Variants in KCNQ1 observed in about 807,000 individuals in gnomAD.
KCNQ1 encodes the protein potassium voltage-gated channel subfamily KQT member 1.
KCNQ1 carries 49 observed loss-of-function variants against 72.4 expected under a neutral mutation model. The observed-to-expected ratio is 0.68, with a 90% CI of 0.54 to 0.86. The LOEUF is 0.86. KCNQ1 is among the 40% of genes least tolerant of loss of function. The pLI, the probability that KCNQ1 is intolerant of heterozygous loss-of-function variation, is 0.00. For missense variants in KCNQ1, 790 were observed against 945.1 expected (o/e 0.84, Z 2.15); for synonymous variants, 450 against 412.6 (o/e 1.09, Z -1.10).
intron 11 of KCNQ1, chr11:2,686,958 T>A (rs1243333911): frequency 7.5e-6 from 3 of 398,434 alleles, no homozygotes; most frequent in Non-Finnish European, 1.3e-5. Flanking sequence ...CAGCTTACCA[T>A]CCTGATGCAG....
At chr11:2,511,794 A>G (rs1589920714) in intron 1 of KCNQ1, among the ~76,000 whole-genome samples, 1 of 151,976 alleles carries the variant, frequency 6.6e-6, no homozygotes. Flanking sequence ...GGAGCTGGGA[A>G]CCTCCATGCA....
chr11:2,674,093 C>T lies in KCNQ1; in HGVS notation c.1514+12012C>T, dbSNP rs1163926428. The T allele has an allele frequency of 8.0e-5, 32 of 398,506 alleles. No homozygotes were observed. The highest frequency in any genetic ancestry group is 1.2e-4 in the African/African-American group (6 of 48,594). The allele number at this position is 398,506 out of a possible 1,614,324, so 24.7% of individuals were successfully genotyped here. ...GGGGGCTTGGGCTAGGTCTCCCTGCCGGTGGGGAGGGAGGTGTGGAAGCTG... is the reference window on the plus strand; with the variant it reads ...GGGGGCTTGGGCTAGGTCTCCCTGCTGGTGGGGAGGGAGGTGTGGAAGCTG... On this transcript the variant is annotated intron_variant, in intron 11 of 15. Coordinates refer to ENST00000155840, the MANE Select transcript of KCNQ1 (RefSeq NM_000218.3). This position sits in a 1 kb window ranked among gnomAD's most constrained non-coding sequence, Gnocchi z 5.9.
chr11:2,815,798 G>C lies in KCNQ1; in HGVS notation c.1795-31969G>C, dbSNP rs1301406624. Among the ~76,000 whole-genome samples, 1 of 152,182 alleles carries C rather than the reference G, an allele frequency of 6.6e-6. No homozygotes were observed. The highest frequency in any genetic ancestry group is 1.9e-4 in the East Asian group (1 of 5,194). On this transcript the variant is annotated intron_variant, in intron 15 of 15. Coordinates refer to ENST00000155840, the MANE Select transcript of KCNQ1 (RefSeq NM_000218.3). This position sits in a 1 kb window ranked among gnomAD's most constrained non-coding sequence, Gnocchi z 5.4. ...GGTGGAGCTGCCCCCAGCCCTTCCT[G>C]CTGGCCTCCCCAGAGCTCCAGGCTC...
At chr11:2,465,857 C>T (rs1289035385) in intron 1 of KCNQ1, among the ~76,000 whole-genome samples, 1 of 152,220 alleles carries the variant, frequency 6.6e-6, no homozygotes, top group Non-Finnish European at 1.5e-5. Context: ...CCTGGAAGGC[C>T]ATTTGGAGCC....
Position 2,616,850 on chromosome 11 carries a change from G to GCGAGAA in KCNQ1, c.1393+27996_1393+27997insCGAGAA. On this transcript the variant is annotated intron_variant, in intron 10 of 15. Coordinates refer to ENST00000155840, the MANE Select transcript of KCNQ1 (RefSeq NM_000218.3). The stretch of plus-strand genomic sequence containing the variant: ...TGTTCCATGTGCACTTGAGAAGAAT[G>GCGAGAA]TGTAGTTGGGTGGAGTGTCCATATA... 4 of 398,258 alleles carry GCGAGAA rather than the reference G, an allele frequency of 1.0e-5. No individual in the cohort carries two copies. The Admixed American group carries it at 1.8e-4, about 18-fold the overall frequency. 24.7% of individuals were successfully genotyped at this position (398,258 alleles called of 1,614,324 possible).
chr11:2,789,977 C>T (rs992926266), intron 15 of KCNQ1, among the ~76,000 whole-genome samples: 2 of 152,156 alleles, frequency 1.3e-5, no homozygotes, highest in Non-Finnish European at 2.9e-5. Context: ...GGATAGGTTG[C>T]CATGAGGTTG....
intron 11 of KCNQ1, chr11:2,694,532 G>C (rs1054639184): frequency 2.5e-6 from 1 of 398,574 alleles, no homozygotes; most frequent in Admixed American, 4.4e-5. Context: ...CAAGGGGTCA[G>C]ATTTTGACAT....
chr11:2,789,501 C>T (rs2237886), intron 15 of KCNQ1, among the ~76,000 whole-genome samples: 14,389 of 152,270 alleles, frequency 0.094, 763 homozygotes, highest in East Asian at 0.19. Context: ...GAGCTTTTGC[C>T]GGCAGTCATT....
Position 2,565,239 on chromosome 11 carries a change from C to T in KCNQ1, c.478-5389C>T, listed in dbSNP as rs1848231025. 1.3e-5 allele frequency among the ~76,000 whole-genome samples: 2 copies of T among 152,182 alleles called. No homozygotes were observed. Among genetic ancestry groups the T allele is most frequent in the East Asian group, 3.9e-4 (2 of 5,188 alleles). ...AAGGAGCTGTGGCATTCTACATCCC[C>T]CAGCAGCACACAAGGTCCCAACTTC... On this transcript the variant is annotated intron_variant, in intron 2 of 15. Transcript: ENST00000155840. The surrounding 1 kb of genome is among the most constrained non-coding windows in gnomAD (Gnocchi z 5.6).
chr11:2,778,578 G>A (rs565755236), intron 15 of KCNQ1, among the ~76,000 whole-genome samples: 75 of 152,244 alleles, frequency 4.9e-4, no homozygotes, highest in African/African-American at 1.8e-3. Context: ...CCCATCACTC[G>A]GTCCCTCAGG....
chr11:2,522,854 C>G (rs1017641515), intron 1 of KCNQ1, among the ~76,000 whole-genome samples: 2 of 152,188 alleles, frequency 1.3e-5, no homozygotes, highest in Admixed American at 1.3e-4. Context: ...CACCTCTGCC[C>G]AGGTAGTTGG....
chr11:2,622,408 C>T (rs1157405520), intron 10 of KCNQ1: 1 of 398,190 alleles, frequency 2.5e-6, no homozygotes, highest in African/African-American at 2.1e-5. Context: ...TATCATTTTT[C>T]ATTCTTTCAC....
Position 2,544,074 on chromosome 11 carries a change from GCATTTA to G in KCNQ1, c.477+16060_477+16065del, listed in dbSNP as rs1454770621. ...TTGTGTTGGTTGTTCGGGGTCCTTT[GCATTTA>G]CATATAAATTTTGGAAGCTGCTTAC... On this transcript the variant is annotated intron_variant, in intron 2 of 15. Coordinates refer to ENST00000155840, the MANE Select transcript of KCNQ1 (RefSeq NM_000218.3). This position sits in a 1 kb window ranked among gnomAD's most constrained non-coding sequence, Gnocchi z 4.4. 6.6e-6 allele frequency among the ~76,000 whole-genome samples: 1 copy of G among 151,924 alleles called. No homozygotes were observed. Among genetic ancestry groups the G allele is most frequent in the Non-Finnish European group, 1.5e-5 (1 of 67,998 alleles).
chr11:2,645,146 C>T lies in KCNQ1; in HGVS notation c.1394-16815C>T. ...ATGGCAGTAGCAGTGGCAGAACAAT[C>T]TTCTGCCTCCCAAGGTGTCCATGCT... On this transcript the variant is annotated intron_variant, in intron 10 of 15. Coordinates refer to ENST00000155840, the MANE Select transcript of KCNQ1 (RefSeq NM_000218.3). The surrounding 1 kb of genome is among the most constrained non-coding windows in gnomAD (Gnocchi z 5.8). The T allele has an allele frequency of 5.0e-6, 2 of 398,680 alleles. No individual in the cohort carries two copies. The highest frequency in any genetic ancestry group is 8.8e-6 in the Non-Finnish European group (2 of 226,124). The allele number at this position is 398,680 out of a possible 1,614,324, so 24.7% of individuals were successfully genotyped here.
intron 15 of KCNQ1, among the ~76,000 whole-genome samples, chr11:2,791,983 A>G (rs1428256165): frequency 2.0e-5 from 3 of 152,178 alleles, no homozygotes; most frequent in Admixed American, 6.5e-5. Flanking sequence ...CCAGAGGCAG[A>G]TGGAAATTTT....
At chr11:2,561,490 C>A (rs1280654304) in intron 2 of KCNQ1, among the ~76,000 whole-genome samples, 1 of 152,234 alleles carries the variant, frequency 6.6e-6, no homozygotes, top group Non-Finnish European at 1.5e-5. Context: ...TTTCCACAGG[C>A]CCAGGCCACT....
At chr11:2,590,345 G>A (rs893485181) in intron 10 of KCNQ1, among the ~76,000 whole-genome samples, 1 of 152,246 alleles carries the variant, frequency 6.6e-6, no homozygotes, top group Non-Finnish European at 1.5e-5. Flanking sequence ...CTTGCCCGAT[G>A]CTGCACTGCA....
Position 2,563,994 on chromosome 11 carries a change from G to A in KCNQ1, c.478-6634G>A, listed in dbSNP as rs1163710584. On this transcript the variant is annotated intron_variant, in intron 2 of 15. Coordinates refer to ENST00000155840, the MANE Select transcript of KCNQ1 (RefSeq NM_000218.3). This position sits in a 1 kb window ranked among gnomAD's most constrained non-coding sequence, Gnocchi z 7.4. ...CTCGGGGCCGCTGGGTGGCCCTGAA[G>A]GCCCACAGAATCCTTTTGGAGACCT... Among the ~76,000 whole-genome samples, 8 of 152,198 alleles carry A rather than the reference G, an allele frequency of 5.3e-5. No homozygotes were observed. The highest frequency in any genetic ancestry group is 1.2e-4 in the Non-Finnish European group (8 of 68,044).
At chr11:2,675,373 A>C (rs751264287) in intron 11 of KCNQ1, 6 of 398,560 alleles carry the variant, frequency 1.5e-5, no homozygotes, top group African/African-American at 2.1e-5. Flanking sequence ...TGTGCATTAG[A>C]AAACATTTAA....
Sources: gnomAD v4.1 joint callset for allele counts (sites outside exome capture counted in the v4.1 genomes callset) on GRCh38, gnomAD v4.1.1 for gene constraint, Gnocchi (gnomAD v3.1) non-coding constraint, MANE v1.5 for transcripts, NCBI Gene and HGNC (gene_info 2026-07-23, HGNC 2026-07-21) for gene names.